Variants in CYB5R1 observed in about 807,000 individuals in gnomAD.
The protein encoded by CYB5R1 is cytochrome b5 reductase 1, also known as NADH-cytochrome b5 reductase 1.
CYB5R1 carries 32 observed loss-of-function variants against 37.4 expected under a neutral mutation model. That is an observed-to-expected ratio of 0.86 (90% CI 0.65 to 1.15). The LOEUF is 1.15. CYB5R1 is among the 50% of genes most tolerant of loss of function. CYB5R1 has a pLI of 0.00. For missense variants in CYB5R1, 345 were observed against 382.5 expected (o/e 0.90, Z 0.82); for synonymous variants, 159 against 155.2 (o/e 1.02, Z -0.18).
rs1178692912 is a variant in CYB5R1, at chr1:202,961,963, T to C, written c.*564A>G. 1 of 152,246 alleles carries C rather than the reference T, an allele frequency of 6.6e-6. No individual in the cohort carries two copies. Among genetic ancestry groups the C allele is most frequent in the Non-Finnish European group, 1.5e-5 (1 of 68,056 alleles). 9.4% of individuals were successfully genotyped at this position (152,246 alleles called of 1,614,324 possible). A position where few individuals can be genotyped will look rare whatever the true frequency, so the allele number is the denominator to read the frequency against. On this transcript the variant is annotated 3_prime_UTR_variant, in exon 9 of 9. Transcript: ENST00000367249. ...GCAGTTTTCGATTATCAGTAGCTGTTTCCCTCTAGCCTGGGCAGGGGCTGA... is the reference window on the plus strand; with the variant it reads ...GCAGTTTTCGATTATCAGTAGCTGTCTCCCTCTAGCCTGGGCAGGGGCTGA...
rs2102502305 is a variant in CYB5R1, at chr1:202,962,273, G to C, written c.*254C>G. ...CATGCTCCCTTCCTTCTTACTCCAT[G>C]GAAGAGACTGCTCCATGGGCCTCTC... On this transcript the variant is annotated 3_prime_UTR_variant, in exon 9 of 9. Transcript: ENST00000367249. 1 of 436,508 alleles carries C rather than the reference G, an allele frequency of 2.3e-6. No individual in the cohort carries two copies. Among genetic ancestry groups the C allele is most frequent in the East Asian group, 3.9e-5 (1 of 25,880 alleles). The allele number at this position is 436,508 out of a possible 1,614,324, so 27.0% of individuals were successfully genotyped here.
Position 202,962,534 on chromosome 1 carries a change from GT to G in CYB5R1, c.910del (p.Thr304ProfsTer55). On this transcript the variant is annotated frameshift_variant, in exon 9 of 9. Coordinates refer to ENST00000367249, the MANE Select transcript of CYB5R1 (RefSeq NM_016243.3). LOFTEE classifies it high-confidence loss of function. ...AGGGAAGCTGGAGGATGCTCAGTAG[GT>G]GAATCGCATCTTTTGTGAGTAGCCC... ...KLGYSQKMRF[T>X]Y The G allele has an allele frequency of 6.2e-7, 1 of 1,608,602 alleles. No homozygotes were observed. The highest frequency in any genetic ancestry group is 8.5e-7 in the Non-Finnish European group (1 of 1,176,768).
rs1248502544 is a variant in CYB5R1, at chr1:202,962,364, C to G, written c.*163G>C. ...GGAGTGACTGAGCCTTGGCCCTCTT[C>G]CATGGCTACAGGAATATTGTTCCTG... On this transcript the variant is annotated 3_prime_UTR_variant, in exon 9 of 9. Transcript: ENST00000367249. 1.1e-6 allele frequency: 1 copy of G among 914,800 alleles called. No homozygotes were observed. Among genetic ancestry groups the G allele is most frequent in the Admixed American group, 2.7e-5 (1 of 37,448 alleles). 56.7% of individuals were successfully genotyped at this position (914,800 alleles called of 1,614,324 possible). A position where few individuals can be genotyped will look rare whatever the true frequency, so the allele number is the denominator to read the frequency against.
intron 2 of CYB5R1, 40 bp from the exon 3 acceptor site, chr1:202,966,640 T>A (rs1451585835): frequency 6.2e-7 from 1 of 1,613,804 alleles, no homozygotes. Context: ...CAAGCGCGCC[T>A]GGCGCTGCCA....
chr1:202,965,293 A>G, intron 5 of CYB5R1, 78 bp downstream of exon 5: 1 of 1,452,186 alleles, frequency 6.9e-7, no homozygotes, highest in Non-Finnish European at 9.1e-7. Context: ...ACATGTGTAC[A>G]CACAGCCATA....
chr1:202,964,001 T>C (rs1357248688), intron 6 of CYB5R1: 1 of 328,094 alleles, frequency 3.0e-6, no homozygotes, highest in African/African-American at 2.1e-5. Context: ...AGGACTCCAG[T>C]GTCACAAATG....
At position 202,966,871 on chromosome 1, in the gene CYB5R1, C is replaced by G. The variant is rs368399512; in HGVS notation, c.43G>C (p.Val15Leu). 3.1e-6 allele frequency: 5 copies of G among 1,612,764 alleles called. No individual in the cohort carries two copies. The highest frequency in any genetic ancestry group is 4.2e-6 in the Non-Finnish European group (5 of 1,179,518). Reference protein sequence around the residue: ...TSPVLLASLGVGLVTLLGLAV... With the variant: ...TSPVLLASLGLGLVTLLGLAV... ...AGGCCGAGCAGAGTGACCAGCCCCA[C>G]CCCCAGGGAGGCCAGCAGGACGGGG... The change falls in exon 2 of 9, where the codon GTG becomes CTG. Residue 15 changes from valine (V) to leucine (L), a missense_variant. Coordinates refer to ENST00000367249, the MANE Select transcript of CYB5R1 (RefSeq NM_016243.3).
intron 6 of CYB5R1, 140 bp from the exon 7 acceptor site, chr1:202,963,867 A>C: frequency 2.0e-6 from 1 of 490,278 alleles, no homozygotes; most frequent in Non-Finnish European, 3.7e-6. Context: ...TCATCCTCTA[A>C]ACTCTTCCTG....
At chr1:202,966,447 C>T in intron 3 of CYB5R1, 81 bp downstream of exon 3, 1 of 1,491,690 alleles carries the variant, frequency 6.7e-7, no homozygotes, top group East Asian at 2.3e-5. Context: ...CCGGTTGAAG[C>T]AGCGTGTTTC....
chr1:202,963,561 G>A (rs553365804), intron 7 of CYB5R1, 81 bp downstream of exon 7: 17 of 1,066,280 alleles, frequency 1.6e-5, no homozygotes, highest in Non-Finnish European at 2.1e-5. Context: ...CACTGGGCCA[G>A]TTCTGCCCAT....
intron 7 of CYB5R1, 34 bp from the exon 8 acceptor site, chr1:202,963,199 G>A: frequency 6.6e-7 from 1 of 1,516,340 alleles, no homozygotes; most frequent in Non-Finnish European, 9.2e-7. Context: ...GTCTTTAGGA[G>A]TCTTCTCAGG....
rs1571578050 is a variant in CYB5R1 at position 202,966,300 on chromosome 1, C to T, written c.238+228G>A. The T allele has an allele frequency of 8.2e-6, 5 of 607,856 alleles. No homozygotes were observed. The East Asian group carries it at 1.1e-4, about 13-fold the overall frequency. The allele number at this position is 607,856 out of a possible 1,614,324, so 37.7% of individuals were successfully genotyped here. A position where few individuals can be genotyped will look rare whatever the true frequency, so the allele number is the denominator to read the frequency against. On this transcript the variant is annotated intron_variant, in intron 3 of 8. Transcript: ENST00000367249. ...CAGAGGGAGTAATTAGCAAATCCTGCAGGGAAGAGGCAAGACTGTTGAGTG... is the reference window on the plus strand; with the variant it reads ...CAGAGGGAGTAATTAGCAAATCCTGTAGGGAAGAGGCAAGACTGTTGAGTG...
At position 202,962,594 on chromosome 1, in the gene CYB5R1, A is replaced by G. The variant is rs1159140629; in HGVS notation, c.851T>C (p.Val284Ala). 2.5e-6 allele frequency: 4 copies of G among 1,613,784 alleles called. No homozygotes were observed. Among genetic ancestry groups the G allele is most frequent in the Non-Finnish European group, 3.4e-6 (4 of 1,179,946 alleles). ...LVLLCGPPPM[V>A]QLACHPNLDK... is the part of the protein sequence containing the mutation. The stretch of plus-strand genomic sequence containing the variant: ...CAAGTTGGGATGGCAGGCCAGCTGC[A>G]CCATTGGGGGTGGCCCACAAAGCAG... Residue 284 changes from valine to alanine, a missense_variant, in exon 9 of 9, where the codon GTG (valine) becomes GCG (alanine). Transcript: ENST00000367249.
chr1:202,962,864 C>T (rs1426103975), intron 8 of CYB5R1, 165 bp from the exon 9 acceptor site: 1 of 1,003,198 alleles, frequency 1.0e-6, no homozygotes, highest in Non-Finnish European at 1.5e-6. Flanking sequence ...TGAGCCTTAG[C>T]AGCACCGCCA....
Position 202,964,660 on chromosome 1 carries a change from G to A in CYB5R1, c.511C>T (p.Pro171Ser), listed in dbSNP as rs1655052297. The A allele has an allele frequency of 6.2e-7, 1 of 1,613,826 alleles. No homozygotes were observed. The highest frequency in any genetic ancestry group is 8.5e-7 in the Non-Finnish European group (1 of 1,179,858). ...FNIQPNKKSP[P>S]EPRVAKKLGM... The stretch of plus-strand genomic sequence containing the variant: ...AGTTTCTTCGCCACTCGGGGTTCTG[G>A]TGGAGATTTCTTGTTGGGCTGAATG... Residue 171 changes from proline (P) to serine (S), a missense_variant, in exon 6 of 9, where the codon CCA becomes TCA. Pro to Ser is a moderately conservative substitution (Grantham distance 74). Coordinates refer to ENST00000367249, the MANE Select transcript of CYB5R1 (RefSeq NM_016243.3).
At position 202,962,455 on chromosome 1, in the gene CYB5R1, C is replaced by T; in HGVS notation, c.*72G>A. 2.0e-6 allele frequency: 3 copies of T among 1,501,138 alleles called. No homozygotes were observed. The highest frequency in any genetic ancestry group is 4.6e-5 in the East Asian group (2 of 43,508). The allele number at this position is 1,501,138 out of a possible 1,614,324, so 93.0% of individuals were successfully genotyped here. A position where few individuals can be genotyped will look rare whatever the true frequency, so the allele number is the denominator to read the frequency against. On this transcript the variant is annotated 3_prime_UTR_variant, in exon 9 of 9. Transcript: ENST00000367249. ...AACCTGAAACTCTGAGGAAAGGAAT[C>T]TAAGGCTTATAGTGCTTGAGTACTG...
At chr1:202,964,897 G>T in intron 5 of CYB5R1, 1 of 590,616 alleles carries the variant, frequency 1.7e-6, no homozygotes, top group Non-Finnish European at 3.0e-6. Flanking sequence ...CTATCTGTGA[G>T]TCAGTTCAGC....
At chr1:202,963,546 CA>C (rs1655034588) in intron 7 of CYB5R1, 95 bp downstream of exon 7, 1 of 882,564 alleles carries the variant, frequency 1.1e-6, no homozygotes, top group African/African-American at 1.7e-5. Flanking sequence ...GAGGCTAAAA[CA>C]GGGCACTGGG....
At position 202,966,582 on chromosome 1, in the gene CYB5R1, TG is replaced by T. The variant is rs775659671; in HGVS notation, c.183del (p.Lys62ArgfsTer57). On this transcript the variant is annotated frameshift_variant, in exon 3 of 9. Transcript: ENST00000367249. LOFTEE classifies it high-confidence loss of function. ...LLDKTTVSHN[T>X]KRFRFALPTA... ...GTGGGCAGGGCAAAGCGGAACCTCTTGGTGTTGTGGCTCACAGTCTGGAGGG... is the reference window on the plus strand; with the variant it reads ...GTGGGCAGGGCAAAGCGGAACCTCTTGTGTTGTGGCTCACAGTCTGGAGGG... The T allele has an allele frequency of 1.2e-6, 2 of 1,614,098 alleles. No individual in the cohort carries two copies. The highest frequency in any genetic ancestry group is 1.7e-6 in the Non-Finnish European group (2 of 1,180,002).
Sources: gnomAD v4.1 joint callset for allele counts on GRCh38, gnomAD v4.1.1 for gene constraint, MANE v1.5 for transcripts, NCBI Gene and HGNC (gene_info 2026-07-23, HGNC 2026-07-21) for gene names.